Variants in XRN2 observed in about 807,000 individuals in gnomAD.
The protein encoded by XRN2 is 5'-3' exoribonuclease 2, also known as DHM1-like protein.
A neutral mutation model predicts 138.5 loss-of-function variants in XRN2; 44 were observed. The observed-to-expected ratio is 0.32, with a 90% CI of 0.25 to 0.41. XRN2 has a LOEUF of 0.41. Among genes scored for constraint, XRN2 ranks in the 10% least tolerant of loss-of-function variants. The pLI, the probability that XRN2 is intolerant of heterozygous loss-of-function variation, is 1.00. For synonymous variants in XRN2, 354 were observed against 369.4 expected (o/e 0.96, Z 0.48); for missense variants, 937 against 1,169.3 (o/e 0.80, Z 2.90).
At chr20:21,359,053 C>A (rs1167173623) in intron 24 of XRN2, among the ~76,000 whole-genome samples, 1 of 152,182 alleles carries the variant, frequency 6.6e-6, no homozygotes, top group Non-Finnish European at 1.5e-5. Flanking sequence ...CTGCCTAACC[C>A]TCTAGAAATA....
At chr20:21,371,883 A>G (rs902440342) in intron 27 of XRN2, among the ~76,000 whole-genome samples, 2 of 152,252 alleles carry the variant, frequency 1.3e-5, no homozygotes, top group African/African-American at 4.8e-5. Flanking sequence ...TTGGAAATAG[A>G]CAACTCTTGT....
intron 13 of XRN2, among the ~76,000 whole-genome samples, chr20:21,338,682 G>GTTTAT (rs1293457172): frequency 1.6e-4 from 25 of 152,092 alleles, no homozygotes; most frequent in East Asian, 3.8e-4. Flanking sequence ...TTGTTGAGTT[G>GTTTAT]TTTATTTTAT....
intron 17 of XRN2, among the ~76,000 whole-genome samples, chr20:21,346,819 A>G (rs928070688): frequency 1.3e-5 from 2 of 151,950 alleles, no homozygotes; most frequent in Non-Finnish European, 2.9e-5. Flanking sequence ...GGGTTTCACC[A>G]TGTTGGTCAG....
At chr20:21,321,620 A>G (rs549965535) in intron 1 of XRN2, among the ~76,000 whole-genome samples, 3 of 152,068 alleles carry the variant, frequency 2.0e-5, no homozygotes, top group African/African-American at 7.2e-5. Context: ...GCCTCATTCT[A>G]CTTTCACTGT....
At chr20:21,358,476 A>G (rs1263849036) in intron 24 of XRN2, among the ~76,000 whole-genome samples, 1 of 152,190 alleles carries the variant, frequency 6.6e-6, no homozygotes, top group African/African-American at 2.4e-5. Context: ...ATTTTCTCCA[A>G]TCTTTAGGTA....
chr20:21,329,836 A>C (rs1307480121), intron 4 of XRN2, among the ~76,000 whole-genome samples: 7 of 16,446 alleles, frequency 4.3e-4, no homozygotes, highest in Non-Finnish European at 8.7e-4. Context: ...AACTGTTATC[A>C]AAAAATATGG....
intron 1 of XRN2, among the ~76,000 whole-genome samples, chr20:21,321,344 TG>T: frequency 7.1e-6 from 1 of 140,214 alleles, no homozygotes; most frequent in African/African-American, 2.7e-5. Flanking sequence ...TGTGTGTGTG[TG>T]TGTGTAGGGT....
chr20:21,343,257 G>T (rs2038394595), intron 15 of XRN2, among the ~76,000 whole-genome samples: 1 of 151,956 alleles, frequency 6.6e-6, no homozygotes. Context: ...AGTAACTAAA[G>T]TTGCAGAACA....
chr20:21,382,043 GCAA>G lies in XRN2; in HGVS notation c.2635_2637del (p.Gln879del), dbSNP rs761395565. ...GAGGTCCTCCTCCCCTTTTCCAGCA[GCAA>G]AGGTTTGACAGGTAATATTAAAAGT... On this transcript the variant is annotated inframe_deletion, in exon 28 of 30. Coordinates refer to ENST00000377191, the MANE Select transcript of XRN2 (RefSeq NM_012255.5). The G allele has an allele frequency of 6.4e-7, 1 of 1,573,274 alleles. No homozygotes were observed. The highest frequency in any genetic ancestry group is 1.1e-5 in the South Asian group (1 of 88,456).
chr20:21,333,587 T>A lies in XRN2; in HGVS notation c.902T>A (p.Phe301Tyr), dbSNP rs1159985732. The A allele has an allele frequency of 6.2e-7, 1 of 1,613,790 alleles. No homozygotes were observed. The highest frequency in any genetic ancestry group is 2.2e-5 in the East Asian group (1 of 44,856). Reference protein sequence around the residue: ...ADSLPCAEGEFIFLRLNVLRE... With the variant: ...ADSLPCAEGEYIFLRLNVLRE... ...AGTCTTCCTTGTGCAGAAGGAGAGTTTATCTTCCTTCGGCTTAATGTTCTT... is the reference window on the plus strand; with the variant it reads ...AGTCTTCCTTGTGCAGAAGGAGAGTATATCTTCCTTCGGCTTAATGTTCTT... Residue 301 changes from phenylalanine (F) to tyrosine (Y), a missense_variant, in exon 10 of 30, where the codon TTT (phenylalanine) becomes TAT (tyrosine). Coordinates refer to ENST00000377191, the MANE Select transcript of XRN2 (RefSeq NM_012255.5).
At chr20:21,331,398 T>TACAC (rs1568574884) in intron 6 of XRN2, among the ~76,000 whole-genome samples, 163 bp from the exon 7 acceptor site, 1 of 94,148 alleles carries the variant, frequency 1.1e-5, no homozygotes, top group African/African-American at 3.9e-5. Context: ...TTTGGTGTTT[T>TACAC]TCACACACAC....
At chr20:21,303,503 CG>C in intron 1 of XRN2, 30 bp downstream of exon 1, 1 of 1,534,386 alleles carries the variant, frequency 6.5e-7, no homozygotes, top group East Asian at 2.6e-5. Flanking sequence ...CCGCCACACT[CG>C]AGCCCGGGCC....
chr20:21,312,944 G>A (rs1464301146), intron 1 of XRN2, among the ~76,000 whole-genome samples: 2 of 152,188 alleles, frequency 1.3e-5, no homozygotes, highest in Non-Finnish European at 2.9e-5. Context: ...GCAATGAACA[G>A]TTTGCCAGTT....
intron 28 of XRN2, among the ~76,000 whole-genome samples, chr20:21,383,683 G>C (rs2038909538): frequency 6.6e-6 from 1 of 152,072 alleles, no homozygotes; most frequent in South Asian, 2.1e-4. Context: ...CCTCCCCTCT[G>C]TTCACATTAA....
chr20:21,318,073 T>C (rs2037984384), intron 1 of XRN2, among the ~76,000 whole-genome samples: 1 of 152,214 alleles, frequency 6.6e-6, no homozygotes, highest in Non-Finnish European at 1.5e-5. Flanking sequence ...TTTGGGTAGT[T>C]TGCGGATTAC....
intron 6 of XRN2, 67 bp from the exon 7 acceptor site, chr20:21,331,494 A>C (rs988909180): frequency 5.2e-6 from 7 of 1,354,338 alleles, no homozygotes; most frequent in Non-Finnish European, 7.3e-6. Context: ...GAGACATATA[A>C]TTCTTTTGAT....
At position 21,368,584 on chromosome 20, in the gene XRN2, A is replaced by T. The variant is rs1386332543; in HGVS notation, c.2578A>T (p.Met860Leu). 6.2e-7 allele frequency: 1 copy of T among 1,612,940 alleles called. No individual in the cohort carries two copies. Among genetic ancestry groups the T allele is most frequent in the Admixed American group, 1.7e-5 (1 of 59,814 alleles). Residue 860 changes from methionine to leucine, a missense_variant, in exon 27 of 30, where the codon ATG becomes TTG. Transcript: ENST00000377191. ...LRGQAQIPKLMSNMRPQDSWR... is the reference protein window; with the variant it reads ...LRGQAQIPKLLSNMRPQDSWR... Reference sequence around the variant, plus strand: ...AGGACAAGCCCAGATTCCAAAACTTATGTCAAGTAAGCTTTTACAAATCGG... The same window carrying T: ...AGGACAAGCCCAGATTCCAAAACTTTTGTCAAGTAAGCTTTTACAAATCGG...
At chr20:21,357,413 T>A (rs762448818) in intron 23 of XRN2, among the ~76,000 whole-genome samples, 21 of 152,186 alleles carry the variant, frequency 1.4e-4, no homozygotes, top group Non-Finnish European at 2.9e-4. Flanking sequence ...TTGTGAGAGA[T>A]CTTGTTGCTC....
intron 1 of XRN2, among the ~76,000 whole-genome samples, chr20:21,311,088 C>T (rs2037875045): frequency 1.3e-5 from 2 of 152,074 alleles, no homozygotes; most frequent in South Asian, 4.1e-4. Context: ...AATCTCTGCC[C>T]CCTCTTTTTA....
Sources: allele counts gnomAD v4.1 joint callset (sites outside exome capture counted in the v4.1 genomes callset), GRCh38; gene constraint gnomAD v4.1.1; transcripts MANE v1.5; gene names NCBI Gene and HGNC (gene_info 2026-07-23, HGNC 2026-07-21).